Variants in ZNF790 observed in about 807,000 individuals in gnomAD.
The protein encoded by ZNF790 is zinc finger protein 790.
In ZNF790, 8 loss-of-function variants were observed where a neutral mutation model predicts 12.1. The observed-to-expected ratio is 0.66, with a 90% CI of 0.39 to 1.19. The LOEUF (loss-of-function observed/expected upper bound fraction) is 1.19, where lower values mean the gene tolerates loss of function less well. Among genes scored for constraint, ZNF790 ranks in the 50% most tolerant of loss-of-function variants. The pLI is 0.01. For missense variants in ZNF790, 707 were observed against 752.2 expected, an observed-to-expected ratio of 0.94 and a Z score of 0.70; for synonymous variants, 252 against 244.3, an observed-to-expected ratio of 1.03 and a Z score of -0.29.
chr19:36,839,294 A>G (rs974646911), upstream of ZNF790, among the ~76,000 whole-genome samples: 1 of 152,258 alleles, frequency 6.6e-6, no homozygotes, highest in African/African-American at 2.4e-5. Context: ...GTGAAACAGA[A>G]AATACTTGAA....
intron 2 of ZNF790, among the ~76,000 whole-genome samples, chr19:36,825,369 CTCT>C (rs2071774850): frequency 6.6e-6 from 1 of 152,154 alleles, no homozygotes; most frequent in Non-Finnish European, 1.5e-5. Context: ...AAATGTATTT[CTCT>C]TCTTCAGTGC....
upstream of ZNF790, among the ~76,000 whole-genome samples, chr19:36,839,674 G>A (rs1454827663): frequency 6.6e-6 from 1 of 152,188 alleles, no homozygotes; most frequent in Admixed American, 6.5e-5. Context: ...TTACAGGCAT[G>A]AGTCACTGCA....
At chr19:36,846,575 G>C (rs2072183269) in intron 1 of ZNF790, among the ~76,000 whole-genome samples, 1 of 151,866 alleles carries the variant, frequency 6.6e-6, no homozygotes, top group South Asian at 2.1e-4. Flanking sequence ...AAAAAAAAAA[G>C]AGCTCAATGA....
At chr19:36,843,016 A>C (rs892552795), upstream of ZNF790, among the ~76,000 whole-genome samples, 4 of 151,982 alleles carry the variant, frequency 2.6e-5, no homozygotes, top group African/African-American at 9.7e-5. Context: ...AAAAAAAAAA[A>C]AAAAAAGACA....
intron 1 of ZNF790, chr19:36,827,764 A>G (rs971270173): frequency 6.6e-6 from 1 of 152,280 alleles, no homozygotes; most frequent in African/African-American, 2.4e-5. Flanking sequence ...GAGGAAAGAC[A>G]GTGGCAGATG....
At chr19:36,826,691 G>A (rs2071811176) in intron 1 of ZNF790, among the ~76,000 whole-genome samples, 1 of 149,494 alleles carries the variant, frequency 6.7e-6, no homozygotes, top group Admixed American at 6.7e-5. Context: ...CTTAGCACAA[G>A]GGAATCAGAT....
intron 1 of ZNF790, among the ~76,000 whole-genome samples, chr19:36,834,243 CAAAAAAAAAA>C (rs751627349): frequency 0.023 from 812 of 34,940 alleles, 16 homozygotes; most frequent in African/African-American, 0.066. Flanking sequence ...AACTCCATCT[CAAAAAAAAAA>C]AAAAAAAAAA....
upstream of ZNF790, among the ~76,000 whole-genome samples, chr19:36,841,628 T>C (rs1333179648): frequency 6.6e-6 from 1 of 150,402 alleles, no homozygotes; most frequent in African/African-American, 2.5e-5. Context: ...TCAAAAAATA[T>C]ATATATATAT....
At chr19:36,837,273 T>G (rs1160510583) in intron 1 of ZNF790, among the ~76,000 whole-genome samples, 1 of 152,204 alleles carries the variant, frequency 6.6e-6, no homozygotes, top group Non-Finnish European at 1.5e-5. Context: ...AACTCCTCTT[T>G]TATCTTCAAC....
At chr19:36,846,335 G>C (rs2072180554) in intron 1 of ZNF790, among the ~76,000 whole-genome samples, 1 of 151,666 alleles carries the variant, frequency 6.6e-6, no homozygotes, top group Non-Finnish European at 1.5e-5. Flanking sequence ...GATGCGGGCA[G>C]ATCACAAGAT....
chr19:36,829,298 G>A (rs888156316), intron 1 of ZNF790, among the ~76,000 whole-genome samples: 3 of 152,120 alleles, frequency 2.0e-5, no homozygotes, highest in Non-Finnish European at 4.4e-5. Flanking sequence ...TGCCACATGT[G>A]CCCCATACTT....
In ZNF790 at chr19:36,819,860, T is replaced by C. The variant is rs1466579606; in HGVS notation, c.484A>G (p.Arg162Gly). 1 of 1,614,174 alleles carries C rather than the reference T, an allele frequency of 6.2e-7. No individual in the cohort carries two copies. Among genetic ancestry groups the C allele is most frequent in the Admixed American group, 1.7e-5 (1 of 60,026 alleles). Residue 162 changes from arginine (R) to glycine (G), a missense_variant, in exon 5 of 5, where the codon AGA becomes GGA. Coordinates refer to ENST00000356725, the MANE Select transcript of ZNF790 (RefSeq NM_206894.4). Reference protein sequence around the residue: ...NQHTVFNLHQRLNTGDKLNEF... With the variant: ...NQHTVFNLHQGLNTGDKLNEF... ...TTCAGTTTGTCTCCTGTATTAAGTC[T>C]CTGGTGTAGATTAAACACTGTATGC...
chr19:36,818,969 A>C lies in ZNF790; in HGVS notation c.1375T>G (p.Phe459Val), dbSNP rs772468773. The C allele has an allele frequency of 6.2e-7, 1 of 1,613,146 alleles. No homozygotes were observed. Among genetic ancestry groups the C allele is most frequent in the South Asian group, 1.1e-5 (1 of 91,030 alleles). ...CGATTAAACTCTGAGCCATGAAGAA[A>C]GGTCTTTCCACATTCCTTACATTCA... ...SYECKECGKTFLHGSEFNRHQ... is the reference protein window; with the variant it reads ...SYECKECGKTVLHGSEFNRHQ... The change falls in exon 5 of 5, where the codon TTT becomes GTT. Residue 459 changes from phenylalanine to valine, a missense_variant. Physicochemically the swap from Phe to Val is conservative, Grantham distance 50 (BLOSUM62 -1). Transcript: ENST00000356725.
chr19:36,842,490 T>G (rs1009156601), upstream of ZNF790, among the ~76,000 whole-genome samples: 1 of 152,088 alleles, frequency 6.6e-6, no homozygotes, highest in African/African-American at 2.4e-5. Context: ...AAAGGAAACA[T>G]AGTTCATGGA....
exon 1 of ZNF790, chr19:36,850,191 C>A (rs1402757926): frequency 6.6e-6 from 1 of 152,244 alleles, no homozygotes; most frequent in East Asian, 1.9e-4. Flanking sequence ...CACAGTTAGT[C>A]TGGTCACTGC....
At chr19:36,834,375 T>C (rs1336311275) in intron 1 of ZNF790, among the ~76,000 whole-genome samples, 1 of 151,208 alleles carries the variant, frequency 6.6e-6, no homozygotes. Context: ...GGATTAACAA[T>C]GAAAGACAAG....
upstream of ZNF790, chr19:36,850,635 C>G (rs187434688): frequency 6.6e-6 from 1 of 152,376 alleles, no homozygotes; most frequent in Non-Finnish European, 1.5e-5. Context: ...AGGAGCCTGA[C>G]TAAAGCTTGG....
At chr19:36,850,070 G>A (rs1171890414) in exon 1 of ZNF790, 1 of 152,384 alleles carries the variant, frequency 6.6e-6, no homozygotes, top group Non-Finnish European at 1.5e-5. Context: ...AGACGCTCAG[G>A]TGCCACATTG....
At chr19:36,834,390 C>T (rs2072002803) in intron 1 of ZNF790, among the ~76,000 whole-genome samples, 1 of 152,088 alleles carries the variant, frequency 6.6e-6, no homozygotes, top group Non-Finnish European at 1.5e-5. Context: ...GACAAGTTTC[C>T]CAACAGCTAG....
Sources: gnomAD v4.1 joint callset for allele counts (sites outside exome capture counted in the v4.1 genomes callset) on GRCh38, gnomAD v4.1.1 for gene constraint, MANE v1.5 for transcripts, NCBI Gene and HGNC (gene_info 2026-07-23, HGNC 2026-07-21) for gene names.